The following PLEKHA8 variants were observed in gnomAD, a reference collection of about 807,000 sequenced individuals.
The protein encoded by PLEKHA8 is pleckstrin homology domain containing A8.
Under a neutral mutation model 68.2 loss-of-function variants are expected in PLEKHA8, and 36 were observed. That is an observed-to-expected ratio of 0.53 (90% CI 0.40 to 0.70). The LOEUF (loss-of-function observed/expected upper bound fraction) is 0.70, where lower values mean the gene tolerates loss of function less well. Ranked by LOEUF, PLEKHA8 falls within the 30% of genes least tolerant of loss-of-function variation. The pLI, the probability that PLEKHA8 is intolerant of heterozygous loss-of-function variation, is 0.00. For missense variants in PLEKHA8, 505 were observed against 615.4 expected (o/e 0.82, Z 1.90); for synonymous variants, 211 against 216.1 (o/e 0.98, Z 0.20).
In PLEKHA8 at chr7:30,082,786, A is replaced by C. The variant is rs1026095640; in HGVS notation, c.*3999A>C. On this transcript the variant is annotated 3_prime_UTR_variant, in exon 14 of 14. Coordinates refer to ENST00000449726, the MANE Select transcript of PLEKHA8 (RefSeq NM_001197026.2). The stretch of plus-strand genomic sequence containing the variant: ...GAAACTTAATCTGATTGTGAAAATC[A>C]TACATATGGAGAAACATCAGATCAG... The C allele has an allele frequency of 2.0e-6, 2 of 985,246 alleles. No individual in the cohort carries two copies. The highest frequency in any genetic ancestry group is 1.7e-5 in the African/African-American group (1 of 57,242). 61.0% of individuals were successfully genotyped at this position (985,246 alleles called of 1,614,324 possible). A position where few individuals can be genotyped will look rare whatever the true frequency, so the allele number is the denominator to read the frequency against.
At chr7:30,126,752 T>A (rs991063578) in intron 13 of PLEKHA8, among the ~76,000 whole-genome samples, 1 of 152,214 alleles carries the variant, frequency 6.6e-6, no homozygotes, top group East Asian at 1.9e-4. Flanking sequence ...GGCAGCAGGC[T>A]AGAGAGAAGA....
downstream of PLEKHA8, among the ~76,000 whole-genome samples, chr7:30,087,057 C>T (rs531730149): frequency 2.7e-4 from 41 of 152,282 alleles, no homozygotes; most frequent in Non-Finnish European, 4.9e-4. Context: ...ACAAAGTTGT[C>T]GCATCTTTGC....
At chr7:30,103,333 A>AT (rs1194421004) in intron 13 of PLEKHA8, among the ~76,000 whole-genome samples, 2 of 152,224 alleles carry the variant, frequency 1.3e-5, no homozygotes, top group Non-Finnish European at 2.9e-5. Context: ...GTATACTTGA[A>AT]TTGTACACTT....
intron 9 of PLEKHA8, among the ~76,000 whole-genome samples, chr7:30,056,572 T>C (rs570750023): frequency 6.8e-6 from 1 of 147,576 alleles, no homozygotes; most frequent in African/African-American, 2.5e-5. Flanking sequence ...CTACTAAAAA[T>C]ACAAAAATTA....
chr7:30,065,449 C>A (rs1180459086), intron 12 of PLEKHA8, among the ~76,000 whole-genome samples: 1 of 136,362 alleles, frequency 7.3e-6, no homozygotes, highest in African/African-American at 2.7e-5. Context: ...ACAGACACAA[C>A]AAGCTCTGCG....
At chr7:30,030,871 C>G (rs114807065) in intron 1 of PLEKHA8, among the ~76,000 whole-genome samples, 2 of 152,180 alleles carry the variant, frequency 1.3e-5, no homozygotes, top group African/African-American at 2.4e-5. Context: ...GTTACTTTTT[C>G]TTTTTCTGAA....
intron 1 of PLEKHA8, among the ~76,000 whole-genome samples, chr7:30,042,394 T>C (rs17326055): frequency 0.17 from 26,057 of 152,196 alleles, 2,392 homozygotes; most frequent in African/African-American, 0.24. Flanking sequence ...CAGATGGGTC[T>C]TAAATTTGAT....
intron 5 of PLEKHA8, 165 bp downstream of exon 5, chr7:30,049,547 G>T: frequency 1.2e-6 from 1 of 846,076 alleles, no homozygotes; most frequent in African/African-American, 1.7e-5. Flanking sequence ...CCCATATCCA[G>T]TCAGTTATTT....
Position 30,090,221 on chromosome 7 carries a change from A to G in PLEKHA8, c.*46A>G, listed in dbSNP as rs878933264. 1.9e-5 allele frequency: 29 copies of G among 1,543,774 alleles called. No homozygotes were observed. In the South Asian group the frequency reaches 2.1e-4, roughly 11 times the overall value. On this transcript the variant is annotated 3_prime_UTR_variant, in exon 13 of 13. Transcript: ENST00000258679. ...AAGATCCTGAACTTCAAGAATGAAG[A>G]AAGAATTCCTCACCATTCAGGCAGA... is the stretch of plus-strand genomic sequence containing the variant.
chr7:30,077,876 A>G (rs1367146067), intron 13 of PLEKHA8, among the ~76,000 whole-genome samples: 3 of 152,172 alleles, frequency 2.0e-5, no homozygotes, highest in Non-Finnish European at 2.9e-5. Flanking sequence ...TGCCTAGGAA[A>G]TCTGTTAGGC....
chr7:30,030,451 T>A (rs1790575329), intron 1 of PLEKHA8, among the ~76,000 whole-genome samples: 1 of 152,194 alleles, frequency 6.6e-6, no homozygotes. Flanking sequence ...TCTAGAAGGA[T>A]CTTTTGGAAT....
chr7:30,089,276 A>G (rs1469342513), downstream of PLEKHA8, among the ~76,000 whole-genome samples: 2 of 152,160 alleles, frequency 1.3e-5, no homozygotes, highest in African/African-American at 2.4e-5. Context: ...GATGGAAAGA[A>G]TCACTTATCC....
intron 12 of PLEKHA8, among the ~76,000 whole-genome samples, chr7:30,073,563 TAAAAAAAAAA>T (rs35738941): frequency 5.4e-5 from 6 of 111,776 alleles, no homozygotes; most frequent in African/African-American, 1.8e-4. Context: ...TTGTGTTTCT[TAAAAAAAAAA>T]AAAAAAAAAA....
chr7:30,099,373 T>C (rs560379780), intron 13 of PLEKHA8, among the ~76,000 whole-genome samples: 1 of 152,312 alleles, frequency 6.6e-6, no homozygotes, highest in African/African-American at 2.4e-5. Flanking sequence ...AGACATACTC[T>C]TGAAAAACTA....
At chr7:30,060,456 G>T (rs1346839212) in intron 9 of PLEKHA8, among the ~76,000 whole-genome samples, 1 of 151,968 alleles carries the variant, frequency 6.6e-6, no homozygotes, top group Admixed American at 6.6e-5. Flanking sequence ...CAAACAAACC[G>T]AAAGAATCAT....
At chr7:30,118,730 G>A (rs1330981759) in intron 13 of PLEKHA8, among the ~76,000 whole-genome samples, 13 of 151,956 alleles carry the variant, frequency 8.6e-5, no homozygotes, top group South Asian at 6.2e-4. Context: ...GGCGCCCGCC[G>A]CCACGCCTGG....
intron 12 of PLEKHA8, chr7:30,069,651 G>C (rs575493044): frequency 6.6e-6 from 1 of 152,176 alleles, no homozygotes; most frequent in Non-Finnish European, 1.5e-5. Context: ...ATTGGAAAAG[G>C]CATATTTTTC....
At chr7:30,062,180 AT>A (rs373451890) in intron 11 of PLEKHA8, among the ~76,000 whole-genome samples, 153 bp downstream of exon 11, 27 of 149,268 alleles carry the variant, frequency 1.8e-4, no homozygotes, top group Non-Finnish European at 3.0e-4. Context: ...ATACCACCTT[AT>A]TTTTTTTTTG....
chr7:30,045,959 T>G (rs1791921863), intron 2 of PLEKHA8, among the ~76,000 whole-genome samples: 2 of 152,232 alleles, frequency 1.3e-5, no homozygotes, highest in South Asian at 4.1e-4. Context: ...AATTGGTGAT[T>G]CTTGTTTGGG....
Sources: allele counts gnomAD v4.1 joint callset (sites outside exome capture counted in the v4.1 genomes callset), GRCh38; gene constraint gnomAD v4.1.1; transcripts MANE v1.5; gene names NCBI Gene and HGNC (gene_info 2026-07-23, HGNC 2026-07-21).